ZNF217: variants seen among roughly 807,000 people sequenced by gnomAD.
ZNF217 encodes zinc finger protein 217.
In ZNF217, 12 loss-of-function variants were observed where a neutral mutation model predicts 73.3. The ratio of observed to expected loss-of-function variants is 0.16; its 90% CI spans 0.10 to 0.27. The LOEUF (loss-of-function observed/expected upper bound fraction) is 0.27, where lower values mean the gene tolerates loss of function less well. ZNF217 is among the 10% of genes least tolerant of loss of function. ZNF217 has a pLI of 1.00. For synonymous variants in ZNF217, 588 were observed against 516.4 expected (o/e 1.14, Z -1.88); for missense variants, 1,195 against 1,327.8 (o/e 0.90, Z 1.55).
chr20:53,574,181 A>T (rs139814805), intron 4 of ZNF217, among the ~76,000 whole-genome samples: 1,723 of 152,274 alleles, frequency 0.011, 32 homozygotes, highest in African/African-American at 0.039. Context: ...GGAAAAGAAA[A>T]CTGCAGATGT....
chr20:53,581,380 G>A lies in ZNF217; in HGVS notation c.1366+81C>T. The A allele has an allele frequency of 6.6e-7, 1 of 1,508,252 alleles. No individual in the cohort carries two copies. Among genetic ancestry groups the A allele is most frequent in the Non-Finnish European group, 8.8e-7 (1 of 1,132,998 alleles). The allele number at this position is 1,508,252 out of a possible 1,614,324, so 93.4% of individuals were successfully genotyped here. A position where few individuals can be genotyped will look rare whatever the true frequency, so the allele number is the denominator to read the frequency against. On this transcript the variant is annotated intron_variant, in intron 2 of 5. Coordinates refer to ENST00000371471, the MANE Select transcript of ZNF217 (RefSeq NM_006526.3). The surrounding 1 kb of genome is among the most constrained non-coding windows in gnomAD (Gnocchi z 4.9). ...ACCCCATTCCTGGCCAGCGTTGTCT[G>A]GAGATGGGAATAGAGAGGGGGAGAC...
chr20:53,592,489 C>A (rs978884112), intron 1 of ZNF217, among the ~76,000 whole-genome samples: 1 of 151,998 alleles, frequency 6.6e-6, no homozygotes, highest in Non-Finnish European at 1.5e-5. Flanking sequence ...CTAAACCTGG[C>A]GGAAAACTCC....
In ZNF217 at chr20:53,567,283, T is replaced by A. The variant is rs536097497; in HGVS notation, c.*2005A>T. 160 of 152,398 alleles carry A rather than the reference T, an allele frequency of 1.0e-3. No individual in the cohort carries two copies. The highest frequency in any genetic ancestry group is 1.7e-3 in the Non-Finnish European group (114 of 67,936). The allele number at this position is 152,398 out of a possible 1,614,324, so 9.4% of individuals were successfully genotyped here. Reference sequence around the variant, plus strand: ...TACTGTTGTCTCAAAGAAAAAAAAATATAAAACCAGTAGTATACCAATAGT... The same window carrying A: ...TACTGTTGTCTCAAAGAAAAAAAAAAATAAAACCAGTAGTATACCAATAGT... On this transcript the variant is annotated 3_prime_UTR_variant, in exon 6 of 6. Transcript: ENST00000371471.
intron 4 of ZNF217, chr20:53,574,407 T>A (rs1188014650): frequency 6.6e-5 from 10 of 152,154 alleles, no homozygotes; most frequent in Admixed American, 6.5e-4. Context: ...TTCTGCCCCG[T>A]GTGGGAAGCA....
intron 2 of ZNF217, among the ~76,000 whole-genome samples, chr20:53,579,181 T>C (rs1045440440): frequency 6.6e-5 from 10 of 152,120 alleles, no homozygotes; most frequent in Non-Finnish European, 1.5e-4. Context: ...CAGGAGAAGT[T>C]AGAGTCCACT....
Position 53,581,631 on chromosome 20 carries a change from T to A in ZNF217, c.1196A>T (p.Lys399Met). ...QLVLHSRVHK[K>M]DRRAGAESPT... ...CGACTCCGCGCCGGCCCTCCGGTCC[T>A]TCTTGTGGACCCTGGAGTGCAAGAC... The change falls in exon 2 of 6, where the codon AAG (lysine) becomes ATG (methionine). Residue 399 changes from lysine to methionine, a missense_variant. Physicochemically the swap from Lys to Met is moderately conservative, Grantham distance 95. Transcript: ENST00000371471. The surrounding 1 kb of genome is among the most constrained non-coding windows in gnomAD (Gnocchi z 4.9). The A allele has an allele frequency of 1.2e-6, 2 of 1,614,206 alleles. No individual in the cohort carries two copies. The highest frequency in any genetic ancestry group is 1.7e-6 in the Non-Finnish European group (2 of 1,180,012).
rs550495963 is a variant in ZNF217 at position 53,567,237 on chromosome 20, G to A, written c.*2051C>T. On this transcript the variant is annotated 3_prime_UTR_variant, in exon 6 of 6. Transcript: ENST00000371471. ...ATAAATACATAAACAAAAATCCAACGAATTGTACCTCTATTATATGTACTG... is the reference window on the plus strand; with the variant it reads ...ATAAATACATAAACAAAAATCCAACAAATTGTACCTCTATTATATGTACTG... 1.3e-4 allele frequency: 20 copies of A among 152,132 alleles called. No individual in the cohort carries two copies. The highest frequency in any genetic ancestry group is 1.0e-4 in the Non-Finnish European group (7 of 67,930). 9.4% of individuals were successfully genotyped at this position (152,132 alleles called of 1,614,324 possible).
At position 53,576,439 on chromosome 20, in the gene ZNF217, C is replaced by T. The variant is rs369174864; in HGVS notation, c.2325G>A (p.Lys775=). Residue 775 remains lysine, a synonymous_variant, in exon 4 of 6, where the codon AAG becomes AAA. Transcript: ENST00000371471. The part of the protein sequence containing the change: ...VPPLSSFCKP[K]PKSAFPAQSK... ...ACTGCGCCGGGAAAGCAGACTTGGG[C>T]TTGGGTTTACAGAAACTAGAGAGGG... 514 of 1,614,142 alleles carry T rather than the reference C, an allele frequency of 3.2e-4. 5 individuals carry two copies. In the South Asian group the frequency reaches 3.7e-3, roughly 12 times the overall value.
Position 53,576,354 on chromosome 20 carries a change from G to A in ZNF217, c.2410C>T (p.Leu804=), listed in dbSNP as rs1285759097. 1.2e-6 allele frequency: 2 copies of A among 1,614,206 alleles called. No individual in the cohort carries two copies. The highest frequency in any genetic ancestry group is 1.6e-4 in the Middle Eastern group (1 of 6,062). The part of the protein sequence containing the change: ...QSPPGPGKAP[L]TSGIDSSTLA... ...GTGCTAGAGTCTATCCCTGAAGTCA[G>A]AGGGGCCTTGCCTGGCCCAGGAGGG... The change falls in exon 4 of 6, where the codon CTG becomes TTG. Residue 804 remains leucine (L), a synonymous_variant. Coordinates refer to ENST00000371471, the MANE Select transcript of ZNF217 (RefSeq NM_006526.3).
At chr20:53,592,339 C>A (rs913425138) in intron 1 of ZNF217, among the ~76,000 whole-genome samples, 2 of 151,680 alleles carry the variant, frequency 1.3e-5, no homozygotes, top group African/African-American at 4.8e-5. Context: ...CGAGGTAGAA[C>A]AATACACCAA....
rs564150684 is a variant in ZNF217 at position 53,576,279 on chromosome 20, C to A, written c.2485G>T (p.Val829Phe). Reference protein sequence around the residue: ...KSHRPQQNVGVQGAATRQQQS... With the variant: ...KSHRPQQNVGFQGAATRQQQS... ...TGTTGCCTGGTGGCGGCCCCTTGGA[C>A]CCCCACATTCTGCTGTGGTCTGTGG... Residue 829 changes from valine (V) to phenylalanine (F), a missense_variant, in exon 4 of 6, where the codon GTC becomes TTC. Coordinates refer to ENST00000371471, the MANE Select transcript of ZNF217 (RefSeq NM_006526.3). 11 of 1,614,180 alleles carry A rather than the reference C, an allele frequency of 6.8e-6. No individual in the cohort carries two copies. In the East Asian group the frequency reaches 2.0e-4, roughly 29 times the overall value.
In ZNF217 at chr20:53,568,104, G is replaced by A. The variant is rs1987821461; in HGVS notation, c.*1184C>T. 1 of 152,122 alleles carries A rather than the reference G, an allele frequency of 6.6e-6. No homozygotes were observed. The highest frequency in any genetic ancestry group is 1.5e-5 in the Non-Finnish European group (1 of 68,010). 9.4% of individuals were successfully genotyped at this position (152,122 alleles called of 1,614,324 possible). On this transcript the variant is annotated 3_prime_UTR_variant, in exon 6 of 6. Coordinates refer to ENST00000371471, the MANE Select transcript of ZNF217 (RefSeq NM_006526.3). ...ACTGCTTCAAAACAACCAAAAATGG[G>A]AAAATAACTGAGGTCTAGAAACAGA...
chr20:53,595,179 G>A (rs896638196), upstream of ZNF217, among the ~76,000 whole-genome samples: 3 of 151,852 alleles, frequency 2.0e-5, no homozygotes, highest in Non-Finnish European at 4.4e-5. Context: ...TAAGGCCTGT[G>A]ATATTTCCCC....
At position 53,591,230 on chromosome 20, in the gene ZNF217, G is replaced by T. The variant is rs200468233; in HGVS notation, c.-343+2526C>A. On this transcript the variant is annotated intron_variant, in intron 1 of 5. Transcript: ENST00000371471. ...CGATCTCACAAGTTACTAAAAAACA[G>T]CAAAGGTCAAACTGCAAAGCGTTAG... Among the ~76,000 whole-genome samples the T allele has an allele frequency of 6.6e-5, 10 of 152,320 alleles. No individual in the cohort carries two copies. In the East Asian group the frequency reaches 1.9e-3, roughly 29 times the overall value.
At chr20:53,595,039 A>G, upstream of ZNF217, among the ~76,000 whole-genome samples, 1 of 115,180 alleles carries the variant, frequency 8.7e-6, no homozygotes, top group Admixed American at 9.4e-5. Context: ...GGGGACAAAA[A>G]AAGGGACAAA....
At chr20:53,595,872 G>A (rs1365392807), upstream of ZNF217, among the ~76,000 whole-genome samples, 1 of 152,110 alleles carries the variant, frequency 6.6e-6, no homozygotes, top group Non-Finnish European at 1.5e-5. Context: ...ACACAACAAA[G>A]AAACTATGAC....
chr20:53,586,345 C>A (rs774687925), intron 1 of ZNF217, among the ~76,000 whole-genome samples: 3 of 152,166 alleles, frequency 2.0e-5, no homozygotes, highest in Non-Finnish European at 4.4e-5. Context: ...AAAACTTCTA[C>A]ATGGCTATCA....
At chr20:53,575,667 C>A in intron 4 of ZNF217, 60 bp downstream of exon 4, 23 of 1,464,214 alleles carry the variant, frequency 1.6e-5, no homozygotes, top group Non-Finnish European at 1.9e-5. Context: ...CTGAGAATGC[C>A]TGGATTAGCT....
Position 53,577,202 on chromosome 20 carries a change from T to C in ZNF217, c.1562A>G (p.His521Arg), listed in dbSNP as rs764117869. 4.3e-6 allele frequency: 7 copies of C among 1,611,032 alleles called. No individual in the cohort carries two copies. In the African/African-American group the frequency reaches 9.3e-5, roughly 21 times the overall value. The change falls in exon 4 of 6, where the codon CAT becomes CGT. Residue 521 changes from histidine (H) to arginine (R), a missense_variant. This residue lies in a region of ZNF217 where 12 missense variants were observed against 53.8 expected (regional missense o/e 0.22). Transcript: ENST00000371471. ...AACATCGGTTTGTTTTTCCTTGTGATGTCTCTCCAAGTGATACCTCAGAGA... is the reference window on the plus strand; with the variant it reads ...AACATCGGTTTGTTTTTCCTTGTGACGTCTCTCCAAGTGATACCTCAGAGA... Reference protein sequence around the residue: ...KTSLRYHLERHHKEKQTDVAA... With the variant: ...KTSLRYHLERRHKEKQTDVAA...
Sources: allele counts gnomAD v4.1 joint callset (sites outside exome capture counted in the v4.1 genomes callset), GRCh38; gene constraint gnomAD v4.1.1; regional missense constraint gnomAD v4.1.1; non-coding constraint Gnocchi (gnomAD v3.1); transcripts MANE v1.5; gene names NCBI Gene and HGNC (gene_info 2026-07-23, HGNC 2026-07-21).